The following MARCHF1 variants were observed in gnomAD, a reference collection of about 807,000 sequenced individuals.
The protein encoded by MARCHF1 is membrane associated ring-CH-type finger 1.
Under a neutral mutation model 54.2 loss-of-function variants are expected in MARCHF1, and 40 were observed. The observed-to-expected ratio is 0.74, with a 90% CI of 0.57 to 0.96. The LOEUF (loss-of-function observed/expected upper bound fraction) is 0.96. MARCHF1 is among the 40% of genes least tolerant of loss of function. The probability of loss-of-function intolerance (pLI) is 0.00; values close to 1 mark genes in which losing one functional copy is unlikely to be tolerated. For missense variants in MARCHF1, 586 were observed against 656.5 expected (o/e 0.89, Z 1.17); for synonymous variants, 236 against 236.3 (o/e 1.00, Z 0.01).
At chr4:164,032,370 A>G (rs1459997416) in intron 2 of MARCHF1, among the ~76,000 whole-genome samples, 2 of 151,992 alleles carry the variant, frequency 1.3e-5, no homozygotes, top group Non-Finnish European at 2.9e-5. Flanking sequence ...TCTTGTCTAC[A>G]GCTAGGTTTT....
chr4:163,563,036 G>A (rs1291566324), intron 8 of MARCHF1, among the ~76,000 whole-genome samples: 4 of 152,136 alleles, frequency 2.6e-5, no homozygotes, highest in African/African-American at 7.2e-5. Context: ...TGGACACTTC[G>A]TTCTCCACAC....
chr4:163,906,887 C>T lies in MARCHF1; in HGVS notation c.-38-52718G>A, dbSNP rs138534503. On this transcript the variant is annotated intron_variant, in intron 3 of 9. Coordinates refer to ENST00000514618, the MANE Select transcript of MARCHF1 (RefSeq NM_001394959.1). Reference sequence around the variant, plus strand: ...TATTCAGTACTAATGTTATTGTATGCTTTTGAGATTCATTGAAAATCAATA... The same window carrying T: ...TATTCAGTACTAATGTTATTGTATGTTTTTGAGATTCATTGAAAATCAATA... Among the ~76,000 whole-genome samples, 824 of 151,706 alleles carry T rather than the reference C, an allele frequency of 5.4e-3. 9 individuals are homozygous for T. Among genetic ancestry groups the T allele is most frequent in the African/African-American group, 0.018 (746 of 41,354 alleles).
intron 1 of MARCHF1, among the ~76,000 whole-genome samples, chr4:164,193,003 C>G (rs952888596): frequency 2.9e-4 from 44 of 152,154 alleles, no homozygotes; most frequent in African/African-American, 9.4e-4. Flanking sequence ...CTCTTGTTGC[C>G]AAATGCCTAC....
At chr4:163,757,584 A>G (rs1746713692) in intron 4 of MARCHF1, among the ~76,000 whole-genome samples, 1 of 152,198 alleles carries the variant, frequency 6.6e-6, no homozygotes, top group East Asian at 1.9e-4. Context: ...TTTGTTGCTA[A>G]TAAGCTCAGG....
At chr4:163,789,721 A>G (rs892281207) in intron 4 of MARCHF1, among the ~76,000 whole-genome samples, 1 of 152,046 alleles carries the variant, frequency 6.6e-6, no homozygotes, top group Non-Finnish European at 1.5e-5. Context: ...TGAAGTAAAC[A>G]TCACTCACCA....
intron 4 of MARCHF1, among the ~76,000 whole-genome samples, chr4:163,722,688 C>T (rs1449752808): frequency 6.6e-6 from 1 of 152,044 alleles, no homozygotes; most frequent in Non-Finnish European, 1.5e-5. Context: ...TCTCTAAGGA[C>T]TTGCTTTATG....
chr4:163,555,955 C>G, intron 8 of MARCHF1: 1 of 456,230 alleles, frequency 2.2e-6, no homozygotes, highest in Non-Finnish European at 4.4e-6. Flanking sequence ...TGCTCGTGTA[C>G]TAAGCAGAAG....
chr4:163,772,762 C>T (rs61317382), intron 4 of MARCHF1, among the ~76,000 whole-genome samples: 119,518 of 152,050 alleles, frequency 0.79, 48,410 homozygotes, highest in South Asian at 0.9. Flanking sequence ...TCAAATAACC[C>T]CCCTTTCTCA....
intron 3 of MARCHF1, among the ~76,000 whole-genome samples, chr4:163,857,015 A>T (rs894748554): frequency 1.5e-5 from 2 of 131,528 alleles, no homozygotes; most frequent in African/African-American, 2.9e-5. Flanking sequence ...TTTGTCTCGA[A>T]AAATAAATAA....
At chr4:163,649,886 T>C (rs1325235577) in intron 5 of MARCHF1, among the ~76,000 whole-genome samples, 1 of 151,932 alleles carries the variant, frequency 6.6e-6, no homozygotes, top group African/African-American at 2.4e-5. Flanking sequence ...CACAACCCAG[T>C]TCCTGATTAC....
chr4:163,715,848 A>G (rs1745240560), intron 4 of MARCHF1, among the ~76,000 whole-genome samples: 1 of 152,206 alleles, frequency 6.6e-6, no homozygotes, highest in Non-Finnish European at 1.5e-5. Flanking sequence ...AAAAAACGTA[A>G]TGAATTTTCA....
At chr4:163,986,958 A>G (rs1752881679) in intron 3 of MARCHF1, among the ~76,000 whole-genome samples, 1 of 152,218 alleles carries the variant, frequency 6.6e-6, no homozygotes, top group African/African-American at 2.4e-5. Flanking sequence ...TTGCCACCCA[A>G]TATGTTCACA....
chr4:163,534,766 A>G (rs1025530964), intron 9 of MARCHF1, among the ~76,000 whole-genome samples: 1 of 151,826 alleles, frequency 6.6e-6, no homozygotes, highest in Non-Finnish European at 1.5e-5. Flanking sequence ...GATCTTAAGG[A>G]TAGGAATTTT....
chr4:163,925,764 G>C (rs141535423), intron 3 of MARCHF1, among the ~76,000 whole-genome samples: 20 of 151,730 alleles, frequency 1.3e-4, no homozygotes, highest in African/African-American at 4.6e-4. Context: ...GCTCATTTTG[G>C]GTGGTGTAGC....
intron 2 of MARCHF1, among the ~76,000 whole-genome samples, chr4:164,059,353 G>A (rs1754564615): frequency 6.6e-6 from 1 of 152,112 alleles, no homozygotes; most frequent in Non-Finnish European, 1.5e-5. Flanking sequence ...TTAGCAACGT[G>A]ATATGCAATT....
At chr4:163,923,275 T>G (rs1751470451) in intron 3 of MARCHF1, among the ~76,000 whole-genome samples, 1 of 152,164 alleles carries the variant, frequency 6.6e-6, no homozygotes, top group Non-Finnish European at 1.5e-5. Flanking sequence ...ATATATGTAC[T>G]GCTCTGAAAT....
At chr4:164,275,097 T>C (rs1410051419) in intron 1 of MARCHF1, among the ~76,000 whole-genome samples, 2 of 151,518 alleles carry the variant, frequency 1.3e-5, no homozygotes, top group East Asian at 3.9e-4. Flanking sequence ...AAAGGAATAA[T>C]ATAATAATTT....
intron 1 of MARCHF1, among the ~76,000 whole-genome samples, chr4:164,152,362 C>T (rs775831040): frequency 6.6e-6 from 1 of 152,122 alleles, no homozygotes; most frequent in Admixed American, 6.6e-5. Context: ...GAGGACTAAG[C>T]TCCGATTTTT....
intron 4 of MARCHF1, among the ~76,000 whole-genome samples, chr4:163,833,270 A>G (rs940919091): frequency 5.3e-5 from 8 of 152,198 alleles, no homozygotes; most frequent in Non-Finnish European, 7.3e-5. Flanking sequence ...CTGACTTTTT[A>G]ATGATCGCCA....
Sources: gnomAD v4.1 joint callset for allele counts (sites outside exome capture counted in the v4.1 genomes callset) on GRCh38, gnomAD v4.1.1 for gene constraint, MANE v1.5 for transcripts, NCBI Gene and HGNC (gene_info 2026-07-23, HGNC 2026-07-21) for gene names.